TOX2: variants seen among roughly 807,000 people sequenced by gnomAD.
TOX2 encodes the protein granulosa cell HMG box 1.
In TOX2, 15 loss-of-function variants were observed where a neutral mutation model predicts 47.4. The observed-to-expected ratio is 0.32, with a 90% confidence interval of 0.21 to 0.49. TOX2 has a LOEUF of 0.49. Among genes scored for constraint, TOX2 ranks in the 20% least tolerant of loss-of-function variants. TOX2 has a pLI of 0.99. For missense variants in TOX2, 622 were observed against 673.1 expected (o/e 0.92, Z 0.84); for synonymous variants, 290 against 296.6 (o/e 0.98, Z 0.23).
At chr20:44,038,711 C>T (rs2071279661) in intron 3 of TOX2, among the ~76,000 whole-genome samples, 3 of 151,908 alleles carry the variant, frequency 2.0e-5, no homozygotes, top group South Asian at 2.1e-4. Context: ...ATTCAGGCTT[C>T]GGAGGACGCA....
Position 44,009,705 on chromosome 20 carries a change from G to T in TOX2, c.411+2913G>T, listed in dbSNP as rs59281074. Among the ~76,000 whole-genome samples the T allele has an allele frequency of 1.7e-3, 258 of 152,326 alleles. 2 individuals are homozygous for T. Among genetic ancestry groups the T allele is most frequent in the African/African-American group, 5.6e-3 (233 of 41,574 alleles). On this transcript the variant is annotated intron_variant, in intron 3 of 8. Coordinates refer to ENST00000341197, the MANE Select transcript of TOX2 (RefSeq NM_001098797.2). ...TCCAGTTCGTTAGAATGCTTGTACCGTACTTGCTTACTGGGCTCATTTTCT... is the reference window on the plus strand; with the variant it reads ...TCCAGTTCGTTAGAATGCTTGTACCTTACTTGCTTACTGGGCTCATTTTCT...
At chr20:43,969,000 C>A (rs753159035) in intron 1 of TOX2, among the ~76,000 whole-genome samples, 2 of 152,196 alleles carry the variant, frequency 1.3e-5, no homozygotes, top group Non-Finnish European at 2.9e-5. Flanking sequence ...TATGCACATT[C>A]AGTATATGTT....
intron 2 of TOX2, among the ~76,000 whole-genome samples, chr20:43,988,740 G>A (rs1261237280): frequency 3.9e-5 from 6 of 152,204 alleles, no homozygotes; most frequent in Non-Finnish European, 8.8e-5. Context: ...TACACATGCT[G>A]TTTAGACACA....
Position 43,944,319 on chromosome 20 carries a change from C to T in TOX2, c.100-29048C>T, listed in dbSNP as rs147694690. ...AAGCCATCAAACACATGAACAGAAA[C>T]GATTGGCTGCAGGAGTGTGCTATGG... On this transcript the variant is annotated intron_variant, in intron 1 of 8. Coordinates refer to ENST00000341197, the MANE Select transcript of TOX2 (RefSeq NM_001098797.2). 7.9e-5 allele frequency among the ~76,000 whole-genome samples: 12 copies of T among 152,122 alleles called. No homozygotes were observed. In the East Asian group the frequency reaches 1.5e-3, roughly 20 times the overall value.
chr20:44,064,718 T>A, intron 5 of TOX2, 59 bp from the exon 6 acceptor site: 1 of 1,538,972 alleles, frequency 6.5e-7, no homozygotes, highest in Non-Finnish European at 9.0e-7. Flanking sequence ...CCCAGGACCC[T>A]GCACGGCATC....
intron 2 of TOX2, among the ~76,000 whole-genome samples, chr20:43,997,218 T>C (rs1388238452): frequency 6.6e-6 from 1 of 152,172 alleles, no homozygotes; most frequent in Non-Finnish European, 1.5e-5. Flanking sequence ...TGGGATAAAG[T>C]AGAAAGCCAT....
chr20:43,941,711 T>C (rs2069405401), intron 1 of TOX2, among the ~76,000 whole-genome samples: 1 of 152,204 alleles, frequency 6.6e-6, no homozygotes, highest in Non-Finnish European at 1.5e-5. Context: ...GGAGGTTTCC[T>C]GACTCGCTTC....
intron 5 of TOX2, among the ~76,000 whole-genome samples, chr20:44,061,502 G>A (rs2071718118): frequency 6.7e-6 from 1 of 149,460 alleles, no homozygotes; most frequent in South Asian, 2.1e-4. Flanking sequence ...ATAAACCAGA[G>A]CCAACATTAT....
In TOX2 at chr20:44,063,556, A is replaced by G. The variant is rs548565325; in HGVS notation, c.880-1221A>G. ...TGAAAAACAGTGTGGAAATTCCCCA[A>G]AGAACTAAAAGTAGATCTACTGTTT... On this transcript the variant is annotated intron_variant, in intron 5 of 8. Transcript: ENST00000341197. 3.3e-5 allele frequency among the ~76,000 whole-genome samples: 5 copies of G among 152,324 alleles called. No individual in the cohort carries two copies. In the East Asian group the frequency reaches 7.7e-4, roughly 24 times the overall value.
chr20:43,993,531 T>C (rs911006568), intron 2 of TOX2, among the ~76,000 whole-genome samples: 1 of 152,110 alleles, frequency 6.6e-6, no homozygotes, highest in African/African-American at 2.4e-5. Context: ...AGAGGAATAC[T>C]GAGGGGGAAA....
At chr20:44,000,474 G>A (rs376815691) in intron 2 of TOX2, among the ~76,000 whole-genome samples, 1 of 152,194 alleles carries the variant, frequency 6.6e-6, no homozygotes, top group African/African-American at 2.4e-5. Flanking sequence ...GAAGACTGTG[G>A]GAGGGGTAGG....
chr20:43,971,591 A>G (rs981346474), intron 1 of TOX2, among the ~76,000 whole-genome samples: 3 of 152,254 alleles, frequency 2.0e-5, no homozygotes, highest in Admixed American at 2.0e-4. Context: ...TCCAGCAATT[A>G]CACAAATGAA....
intron 1 of TOX2, among the ~76,000 whole-genome samples, chr20:43,972,649 C>T (rs972469901): frequency 6.6e-6 from 1 of 152,234 alleles, no homozygotes; most frequent in Non-Finnish European, 1.5e-5. Context: ...AGTTGAGGCA[C>T]CAACTTGAGA....
In TOX2 at chr20:44,051,520, A is replaced by G; in HGVS notation, c.626A>G (p.Glu209Gly). 1 of 1,604,458 alleles carries G rather than the reference A, an allele frequency of 6.2e-7. No homozygotes were observed. The highest frequency in any genetic ancestry group is 8.5e-7 in the Non-Finnish European group (1 of 1,173,528). Residue 209 changes from glutamate to glycine, a missense_variant, in exon 4 of 9, where the codon GAA becomes GGA. By Grantham distance (98) the Glu-to-Gly change is moderately conservative. Around this residue, in one of 3 missense-constraint regions of TOX2, gnomAD observed 307 missense variants for 327.3 expected, o/e 0.94. Transcript: ENST00000341197. Reference protein sequence around the residue: ...ATPSPSSSTQEEESEVHFKIS... With the variant: ...ATPSPSSSTQGEESEVHFKIS... ...CCCTCTCCCTCCAGCTCCACTCAGGAAGAGGAGTCGGAAGTGCATTTCAAG... is the reference window on the plus strand; with the variant it reads ...CCCTCTCCCTCCAGCTCCACTCAGGGAGAGGAGTCGGAAGTGCATTTCAAG...
At chr20:43,947,750 G>A (rs2069496838) in intron 1 of TOX2, among the ~76,000 whole-genome samples, 1 of 152,194 alleles carries the variant, frequency 6.6e-6, no homozygotes, top group South Asian at 2.1e-4. Flanking sequence ...ACAACTTACT[G>A]AATACCACTC....
Position 43,916,463 on chromosome 20 carries a change from G to C in TOX2, c.99+1473G>C, listed in dbSNP as rs1326696967. ...TAGGGCCTGCGCGATGTGGGGCGGTGGTGGGCGACAAGTGAGGTCTCGCGA... is the reference window on the plus strand; with the variant it reads ...TAGGGCCTGCGCGATGTGGGGCGGTCGTGGGCGACAAGTGAGGTCTCGCGA... On this transcript the variant is annotated intron_variant, in intron 1 of 8. Transcript: ENST00000341197. This position sits in a 1 kb window ranked among gnomAD's most constrained non-coding sequence, Gnocchi z 5.0. Among the ~76,000 whole-genome samples the C allele has an allele frequency of 6.6e-6, 1 of 152,224 alleles. No individual in the cohort carries two copies. The highest frequency in any genetic ancestry group is 2.4e-5 in the African/African-American group (1 of 41,468).
At chr20:44,055,810 T>A (rs1203365760) in intron 5 of TOX2, among the ~76,000 whole-genome samples, 1 of 152,140 alleles carries the variant, frequency 6.6e-6, no homozygotes, top group Non-Finnish European at 1.5e-5. Flanking sequence ...TAAATGGAGA[T>A]GCCAGTCACT....
chr20:44,016,976 G>A (rs1487651042), intron 3 of TOX2, among the ~76,000 whole-genome samples: 1 of 152,222 alleles, frequency 6.6e-6, no homozygotes, highest in East Asian at 1.9e-4. Flanking sequence ...GTAAATTAAG[G>A]TGGGATCAGT....
intron 5 of TOX2, among the ~76,000 whole-genome samples, chr20:44,057,514 C>T (rs1417206897): frequency 6.6e-6 from 1 of 151,400 alleles, no homozygotes; most frequent in Non-Finnish European, 1.5e-5. Flanking sequence ...CCTTGCCTAT[C>T]CCCCAAAAGT....
Sources: allele counts gnomAD v4.1 joint callset (sites outside exome capture counted in the v4.1 genomes callset), GRCh38; gene constraint gnomAD v4.1.1; regional missense constraint gnomAD v4.1.1; non-coding constraint Gnocchi (gnomAD v3.1); transcripts MANE v1.5; gene names NCBI Gene and HGNC (gene_info 2026-07-23, HGNC 2026-07-21).